The following KCNH7 variants were observed in gnomAD, a reference collection of about 807,000 sequenced individuals.
KCNH7 encodes voltage-gated inwardly rectifying potassium channel KCNH7.
A neutral mutation model predicts 120.8 loss-of-function variants in KCNH7; 49 were observed. The observed-to-expected ratio is 0.41, with a 90% CI of 0.32 to 0.51. KCNH7 has a LOEUF of 0.51. Among genes scored for constraint, KCNH7 ranks in the 20% least tolerant of loss-of-function variants. The pLI is 0.38. For synonymous variants in KCNH7, 547 were observed against 516.1 expected, an observed-to-expected ratio of 1.06 and a Z score of -0.81; for missense variants, 1,097 against 1,446.6, an observed-to-expected ratio of 0.76 and a Z score of 3.92.
At chr2:162,467,148 G>A (rs1178986036) in intron 6 of KCNH7, among the ~76,000 whole-genome samples, 1 of 152,178 alleles carries the variant, frequency 6.6e-6, no homozygotes, top group African/African-American at 2.4e-5. Flanking sequence ...AAAGCTGTGT[G>A]AATTGCCTGT....
chr2:162,666,727 T>C (rs1308099947), intron 2 of KCNH7, among the ~76,000 whole-genome samples: 1 of 152,168 alleles, frequency 6.6e-6, no homozygotes, highest in East Asian at 1.9e-4. Flanking sequence ...TTATTGTCAT[T>C]TGCTAACTTC....
chr2:162,649,665 C>A (rs1033642540), intron 2 of KCNH7, among the ~76,000 whole-genome samples: 1 of 151,750 alleles, frequency 6.6e-6, no homozygotes, highest in African/African-American at 2.4e-5. Flanking sequence ...CTTCTGTGAT[C>A]TGTTGCCATT....
At chr2:162,501,590 G>A (rs773002136) in intron 6 of KCNH7, among the ~76,000 whole-genome samples, 1 of 152,018 alleles carries the variant, frequency 6.6e-6, no homozygotes, top group Non-Finnish European at 1.5e-5. Context: ...CAGTTATGGC[G>A]GCTGTGAAGT....
chr2:162,661,564 T>C (rs1684959308), intron 2 of KCNH7, among the ~76,000 whole-genome samples: 1 of 152,178 alleles, frequency 6.6e-6, no homozygotes, highest in African/African-American at 2.4e-5. Context: ...CCCTAAACGT[T>C]TCCCTATATC....
Position 162,675,361 on chromosome 2 carries a change from C to T in KCNH7, c.308-138281G>A, listed in dbSNP as rs1488937860. On this transcript the variant is annotated intron_variant, in intron 2 of 15. Transcript: ENST00000332142. ...TGTGGATTTAAAGGAAGCCCATGGA[C>T]TCCTGAAGAAAATAAATTGATACAA... is the stretch of plus-strand genomic sequence containing the variant. 2.0e-5 allele frequency among the ~76,000 whole-genome samples: 3 copies of T among 151,410 alleles called. No homozygotes were observed. The East Asian group carries it at 5.8e-4, about 29-fold the overall frequency.
chr2:162,422,798 G>A (rs531792373), intron 9 of KCNH7, among the ~76,000 whole-genome samples: 13 of 152,158 alleles, frequency 8.5e-5, no homozygotes, highest in Admixed American at 3.3e-4. Context: ...AGGGCACAGC[G>A]TAGATTGTTT....
At chr2:162,752,910 AAAG>A (rs1390944319) in intron 2 of KCNH7, among the ~76,000 whole-genome samples, 22 of 43,260 alleles carry the variant, frequency 5.1e-4, no homozygotes, top group African/African-American at 2.4e-3. Flanking sequence ...CAGAAAAAGA[AAAG>A]AAAAGAAAAG....
At chr2:162,619,069 C>T (rs972989171) in intron 2 of KCNH7, among the ~76,000 whole-genome samples, 101 of 152,230 alleles carry the variant, frequency 6.6e-4, no homozygotes, top group African/African-American at 2.2e-3. Context: ...TTCCACTGAA[C>T]GTTCAACTCA....
chr2:162,694,283 C>T (rs541192855), intron 2 of KCNH7, among the ~76,000 whole-genome samples: 3 of 152,242 alleles, frequency 2.0e-5, no homozygotes. Context: ...AAAAGGCATC[C>T]AATGCCATTG....
intron 2 of KCNH7, among the ~76,000 whole-genome samples, chr2:162,834,989 T>G (rs1403233704): frequency 6.6e-6 from 1 of 151,990 alleles, no homozygotes; most frequent in Non-Finnish European, 1.5e-5. Flanking sequence ...AGGAAAAAAA[T>G]GTCAGACATT....
intron 3 of KCNH7, chr2:162,528,170 T>A (rs2105807292): frequency 6.6e-6 from 1 of 152,146 alleles, no homozygotes; most frequent in African/African-American, 2.4e-5. Flanking sequence ...TACGAACATG[T>A]ATTAGATACT....
intron 2 of KCNH7, among the ~76,000 whole-genome samples, chr2:162,752,547 T>A (rs1164671946): frequency 6.6e-6 from 1 of 152,134 alleles, no homozygotes; most frequent in East Asian, 1.9e-4. Context: ...TACTCTCAGT[T>A]TGGCTTGAAA....
chr2:162,468,623 C>A (rs191087692), intron 6 of KCNH7, among the ~76,000 whole-genome samples: 6 of 146,792 alleles, frequency 4.1e-5, no homozygotes, highest in Non-Finnish European at 8.9e-5. Flanking sequence ...CAGGCTCAAG[C>A]GATTCTCCTG....
intron 2 of KCNH7, among the ~76,000 whole-genome samples, chr2:162,770,630 C>T (rs951072510): frequency 9.2e-5 from 14 of 152,042 alleles, no homozygotes; most frequent in East Asian, 1.9e-4. Context: ...TTATATGATT[C>T]GGATAGAATA....
intron 2 of KCNH7, among the ~76,000 whole-genome samples, chr2:162,738,163 A>C (rs1687987289): frequency 6.6e-6 from 1 of 152,048 alleles, no homozygotes; most frequent in African/African-American, 2.4e-5. Flanking sequence ...TTCTTTTAAA[A>C]ATTCTAATCT....
At chr2:162,818,999 T>C (rs554691391) in intron 2 of KCNH7, among the ~76,000 whole-genome samples, 220 of 152,220 alleles carry the variant, frequency 1.4e-3, no homozygotes, top group Non-Finnish European at 2.7e-3. Context: ...CAAATCAAAA[T>C]TGAACATTCT....
intron 9 of KCNH7, among the ~76,000 whole-genome samples, chr2:162,417,096 T>A (rs182617171): frequency 7.8e-4 from 119 of 152,324 alleles, no homozygotes; most frequent in Middle Eastern, 3.4e-3. Flanking sequence ...TATGACATAT[T>A]GGGTGGACCA....
chr2:162,544,956 C>T (rs975439574), intron 2 of KCNH7, among the ~76,000 whole-genome samples: 1 of 152,164 alleles, frequency 6.6e-6, no homozygotes, highest in African/African-American at 2.4e-5. Flanking sequence ...ATTATTACTA[C>T]AATTATTAAC....
intron 2 of KCNH7, among the ~76,000 whole-genome samples, chr2:162,814,964 C>A (rs1428952053): frequency 6.6e-6 from 1 of 152,126 alleles, no homozygotes; most frequent in East Asian, 1.9e-4. Context: ...TTTCCTTACA[C>A]CTCAGGGTTT....
Sources: allele counts gnomAD v4.1 joint callset (sites outside exome capture counted in the v4.1 genomes callset), GRCh38; gene constraint gnomAD v4.1.1; transcripts MANE v1.5; gene names NCBI Gene and HGNC (gene_info 2026-07-23, HGNC 2026-07-21).